CCDC171: variants seen among roughly 807,000 people sequenced by gnomAD.
CCDC171 encodes coiled-coil domain containing 171, also known as coiled-coil domain-containing protein 171.
A neutral mutation model predicts 168.2 loss-of-function variants in CCDC171; 177 were observed. The observed-to-expected ratio is 1.05, with a 90% CI of 0.93 to 1.19. CCDC171 has a LOEUF of 1.19. CCDC171 is among the 50% of genes most tolerant of loss of function. The probability of loss-of-function intolerance (pLI) is 0.00; values close to 1 mark genes in which losing one functional copy is unlikely to be tolerated. For missense variants in CCDC171, 1,991 were observed against 1,539.0 expected, an observed-to-expected ratio of 1.29 and a Z score of -4.91; for synonymous variants, 687 against 540.8, an observed-to-expected ratio of 1.27 and a Z score of -3.75.
intron 11 of CCDC171, among the ~76,000 whole-genome samples, chr9:15,705,165 T>G (rs1416540520): frequency 6.6e-6 from 1 of 151,760 alleles, no homozygotes; most frequent in Non-Finnish European, 1.5e-5. Context: ...GACGTGTTAA[T>G]TAACTTGGTT....
At chr9:15,631,326 A>G (rs988204023) in intron 7 of CCDC171, among the ~76,000 whole-genome samples, 1 of 152,160 alleles carries the variant, frequency 6.6e-6, no homozygotes, top group Non-Finnish European at 1.5e-5. Flanking sequence ...GCAAGAAAAA[A>G]TGATAAAGGG....
intron 24 of CCDC171, among the ~76,000 whole-genome samples, chr9:15,892,312 A>T (rs1330851285): frequency 6.6e-6 from 1 of 152,080 alleles, no homozygotes; most frequent in South Asian, 2.1e-4. Flanking sequence ...AGCTTCTGCC[A>T]ATTCGGTATG....
chr9:15,992,706 G>C (rs529819656), intron 3 of CCDC171, among the ~76,000 whole-genome samples: 3 of 152,284 alleles, frequency 2.0e-5, no homozygotes, highest in South Asian at 2.1e-4. Flanking sequence ...CATTGTCTCA[G>C]TCCAAAATCT....
At chr9:15,911,436 C>G (rs1338696973) in intron 24 of CCDC171, among the ~76,000 whole-genome samples, 2 of 152,126 alleles carry the variant, frequency 1.3e-5, no homozygotes, top group Non-Finnish European at 2.9e-5. Context: ...CTTGTAGATT[C>G]TGGATATTAG....
intron 24 of CCDC171, among the ~76,000 whole-genome samples, chr9:15,884,675 A>G (rs529536146): frequency 6.6e-6 from 1 of 152,304 alleles, no homozygotes; most frequent in Non-Finnish European, 1.5e-5. Flanking sequence ...CCACCTCGGT[A>G]AGTCACTCAA....
At chr9:15,572,746 T>A (rs3119699) in intron 3 of CCDC171, among the ~76,000 whole-genome samples, 79,355 of 152,020 alleles carry the variant, frequency 0.52, 20,985 homozygotes, top group East Asian at 0.81. Flanking sequence ...TATCATGCTT[T>A]CCTGCTCTTC....
At chr9:16,078,274 A>T in the CCDC171 span, among the ~76,000 whole-genome samples, 1 of 152,218 alleles carries the variant, frequency 6.6e-6, no homozygotes, top group Non-Finnish European at 1.5e-5. Context: ...CAAGGTGTGA[A>T]TCTAGAGGGC....
chr9:16,067,987 T>C, the CCDC171 span, among the ~76,000 whole-genome samples: 1 of 151,610 alleles, frequency 6.6e-6, no homozygotes, highest in African/African-American at 2.4e-5. Flanking sequence ...AAATAAAAGG[T>C]ATTCAATTAG....
Position 15,678,907 on chromosome 9 carries a change from A to C in CCDC171, c.1215+11A>C. On this transcript the variant is annotated intron_variant, in intron 10 of 25. Transcript: ENST00000380701. ...GAAGAACTAGTAATGGTAAGGATAA[A>C]AAAGAAAACCCTATGGAAATCACTT... 6.4e-7 allele frequency: 1 copy of C among 1,565,846 alleles called. No homozygotes were observed. Among genetic ancestry groups the C allele is most frequent in the Non-Finnish European group, 8.6e-7 (1 of 1,160,190 alleles).
intron 4 of CCDC171, among the ~76,000 whole-genome samples, chr9:15,590,151 A>C (rs2131428408): frequency 6.6e-6 from 1 of 152,338 alleles, no homozygotes; most frequent in South Asian, 2.1e-4. Flanking sequence ...ACTTTCCTGC[A>C]ATGCTGGATG....
intron 23 of CCDC171, among the ~76,000 whole-genome samples, chr9:15,868,203 T>A (rs1479185622): frequency 6.6e-6 from 1 of 152,014 alleles, no homozygotes; most frequent in Non-Finnish European, 1.5e-5. Context: ...AGTTGTAGAT[T>A]AAGTTAAATA....
intron 11 of CCDC171, among the ~76,000 whole-genome samples, chr9:15,704,786 T>A (rs1160423960): frequency 6.6e-6 from 1 of 152,140 alleles, no homozygotes; most frequent in Non-Finnish European, 1.5e-5. Flanking sequence ...TTCCAGAAGT[T>A]ATTTACCGAG....
At chr9:16,095,830 C>T in the CCDC171 span, among the ~76,000 whole-genome samples, 1 of 127,720 alleles carries the variant, frequency 7.8e-6, no homozygotes, top group African/African-American at 2.9e-5. Context: ...ACACACACAC[C>T]CACATAGACA....
At chr9:15,966,066 A>C (rs911759224) in intron 25 of CCDC171, among the ~76,000 whole-genome samples, 1 of 152,226 alleles carries the variant, frequency 6.6e-6, no homozygotes, top group Non-Finnish European at 1.5e-5. Context: ...TAGGGTACAA[A>C]GTCATGATTC....
At chr9:15,605,509 C>G (rs1469518710) in intron 6 of CCDC171, among the ~76,000 whole-genome samples, 1 of 122,030 alleles carries the variant, frequency 8.2e-6, no homozygotes, top group Non-Finnish European at 1.6e-5. Flanking sequence ...GAAACCCTGT[C>G]TCTACTAAAA....
intron 21 of CCDC171, among the ~76,000 whole-genome samples, chr9:15,844,179 C>T (rs560209734): frequency 6.6e-6 from 1 of 152,100 alleles, no homozygotes. Context: ...CTTGGTTTGT[C>T]ATTCAGTTGG....
chr9:16,041,072 A>T (rs555927986), upstream of CCDC171, among the ~76,000 whole-genome samples: 59 of 152,342 alleles, frequency 3.9e-4, no homozygotes, highest in African/African-American at 1.4e-3. Context: ...GGTGCCCAAC[A>T]TTAAAATATG....
intron 7 of CCDC171, among the ~76,000 whole-genome samples, chr9:15,641,071 C>T (rs900564741): frequency 6.6e-6 from 1 of 151,798 alleles, no homozygotes; most frequent in Non-Finnish European, 1.5e-5. Context: ...TGATTCAGTC[C>T]CTTGGAATCA....
intron 25 of CCDC171, among the ~76,000 whole-genome samples, chr9:15,941,883 A>G (rs1342131366): frequency 3.3e-5 from 5 of 151,888 alleles, no homozygotes; most frequent in Non-Finnish European, 7.4e-5. Flanking sequence ...TTTTACTTAC[A>G]TTCAGTTTTT....
Sources: gnomAD v4.1 joint callset for allele counts (sites outside exome capture counted in the v4.1 genomes callset) on GRCh38, gnomAD v4.1.1 for gene constraint, MANE v1.5 for transcripts, NCBI Gene and HGNC (gene_info 2026-07-23, HGNC 2026-07-21) for gene names.